The following MAN2B1 variants were observed in gnomAD, a reference collection of about 807,000 sequenced individuals.
MAN2B1 encodes the protein mannosidase alpha class 2B member 1, also known as lysosomal alpha-mannosidase.
A neutral mutation model predicts 127.5 loss-of-function variants in MAN2B1; 99 were observed. The ratio of observed to expected loss-of-function variants is 0.78; its 90% CI spans 0.66 to 0.92. MAN2B1 has a LOEUF of 0.92. Ranked by LOEUF, MAN2B1 falls within the 40% of genes least tolerant of loss-of-function variation. The pLI is 0.00. For missense variants in MAN2B1, 1,304 were observed against 1,384.8 expected (o/e 0.94, Z 0.93); for synonymous variants, 573 against 568.8 (o/e 1.01, Z -0.11).
intron 14 of MAN2B1, among the ~76,000 whole-genome samples, chr19:12,655,134 T>C (rs1386542123): frequency 6.6e-6 from 1 of 152,160 alleles, no homozygotes; most frequent in Non-Finnish European, 1.5e-5. Context: ...TCCTCCCGCT[T>C]CAGCCTCCCA....
chr19:12,655,450 C>T (rs935619479), intron 14 of MAN2B1, among the ~76,000 whole-genome samples: 4 of 152,214 alleles, frequency 2.6e-5, no homozygotes, highest in Non-Finnish European at 4.4e-5. Context: ...TTGCGAACCA[C>T]CACCTGCCAC....
intron 3 of MAN2B1, 87 bp from the exon 4 acceptor site, chr19:12,665,072 C>CT: frequency 7.7e-7 from 1 of 1,292,028 alleles, no homozygotes; most frequent in East Asian, 2.3e-5. Context: ...GAAAGCCTGC[C>CT]TGTGTACACA....
At chr19:12,660,201 A>G (rs2024068413) in intron 7 of MAN2B1, among the ~76,000 whole-genome samples, 2 of 152,202 alleles carry the variant, frequency 1.3e-5, no homozygotes, top group African/African-American at 4.8e-5. Context: ...GTTGTTCATC[A>G]GCCAAACTTA....
chr19:12,646,884 C>T lies in MAN2B1; in HGVS notation c.2924-152G>A, dbSNP rs61161691. ...CCAGACTCTTAACCTGCTTCCCCGG[C>T]CCCGAATACCACCCCCAGGTCCAAT... On this transcript the variant is annotated intron_variant, in intron 23 of 23. Transcript: ENST00000456935. 21,949 of 650,122 alleles carry T rather than the reference C, an allele frequency of 0.034. 1,599 individuals carry two copies. The highest frequency in any genetic ancestry group is 0.23 in the African/African-American group (12,565 of 55,326). 40.3% of individuals were successfully genotyped at this position (650,122 alleles called of 1,614,324 possible).
chr19:12,649,474 A>G (rs368562880), intron 18 of MAN2B1, 46 bp from the exon 19 acceptor site: 9 of 592,420 alleles, frequency 1.5e-5, no homozygotes, highest in African/African-American at 1.2e-4. Flanking sequence ...TGGCTCCCCA[A>G]CTCTTTTTTT....
Position 12,663,300 on chromosome 19 carries a change from C to G in MAN2B1, c.909+17G>C. 1 of 1,614,156 alleles carries G rather than the reference C, an allele frequency of 6.2e-7. No homozygotes were observed. Among genetic ancestry groups the G allele is most frequent in the Non-Finnish European group, 8.5e-7 (1 of 1,180,024 alleles). ...ATTGTATATACCGGACTCGAAGGTT[C>G]TGGACACCAGGGTTACCTGGGCAGT... is the stretch of plus-strand genomic sequence containing the variant. On this transcript the variant is annotated intron_variant, in intron 6 of 23. Coordinates refer to ENST00000456935, the MANE Select transcript of MAN2B1 (RefSeq NM_000528.4).
intron 14 of MAN2B1, among the ~76,000 whole-genome samples, chr19:12,653,074 TC>T (rs1387547164): frequency 6.7e-6 from 1 of 149,768 alleles, no homozygotes; most frequent in Non-Finnish European, 1.5e-5. Flanking sequence ...CCTCAGGTAA[TC>T]CACCCGCCTT....
Position 12,647,882 on chromosome 19 carries a change from G to C in MAN2B1, c.2665-284C>G, listed in dbSNP as rs1331444065. 6.6e-6 allele frequency among the ~76,000 whole-genome samples: 1 copy of C among 151,230 alleles called. No individual in the cohort carries two copies. The highest frequency in any genetic ancestry group is 1.5e-5 in the Non-Finnish European group (1 of 67,744). On this transcript the variant is annotated intron_variant, in intron 21 of 23. Transcript: ENST00000456935. The surrounding 1 kb of genome is among the most constrained non-coding windows in gnomAD (Gnocchi z 4.9). ...GGGCTGAAGCCGCGGGGCTGGGTGA[G>C]GCAGGACAGAGCCTGGGGGCGGTGA...
At position 12,646,545 on chromosome 19, in the gene MAN2B1, C is replaced by A. The variant is rs1317258278; in HGVS notation, c.*75G>T. On this transcript the variant is annotated 3_prime_UTR_variant, in exon 24 of 24. Coordinates refer to ENST00000456935, the MANE Select transcript of MAN2B1 (RefSeq NM_000528.4). ...AGTAGTAGCGTTTTAATGGCAGCAG[C>A]CCCAAGAGGAGAGTCAGAGTCTGGT... The A allele has an allele frequency of 2.7e-6, 3 of 1,131,906 alleles. No individual in the cohort carries two copies. In the African/African-American group the frequency reaches 4.6e-5, roughly 17 times the overall value. 70.1% of individuals were successfully genotyped at this position (1,131,906 alleles called of 1,614,324 possible). A position where few individuals can be genotyped will look rare whatever the true frequency, so the allele number is the denominator to read the frequency against.
intron 1 of MAN2B1, 40 bp from the exon 2 acceptor site, chr19:12,665,845 C>T (rs765394817): frequency 6.5e-7 from 1 of 1,527,276 alleles, no homozygotes; most frequent in Admixed American, 1.7e-5. Flanking sequence ...TGTCAATAAC[C>T]CCCGAGGTCG....
intron 5 of MAN2B1, 53 bp downstream of exon 5, chr19:12,663,650 C>G: frequency 1.3e-6 from 2 of 1,572,478 alleles, no homozygotes; most frequent in Non-Finnish European, 1.7e-6. Context: ...AAGCCCAGGG[C>G]CCTTCTGAGT....
chr19:12,665,433 C>T lies in MAN2B1; in HGVS notation c.355G>A (p.Val119Met), dbSNP rs201140883. The T allele has an allele frequency of 3.7e-6, 6 of 1,613,888 alleles. No individual in the cohort carries two copies. In the East Asian group the frequency reaches 1.1e-4, roughly 30 times the overall value. ...CAACGGGAGAAGAAGGCAATCTCCA[C>T]GTAAATGAAGCGACGGGTGGGATCT... The part of the protein sequence containing the change: ...LADPTRRFIY[V>M]EIAFFSRWWH... Residue 119 changes from valine (V) to methionine (M), a missense_variant, in exon 3 of 24, where the codon GTG becomes ATG. Coordinates refer to ENST00000456935, the MANE Select transcript of MAN2B1 (RefSeq NM_000528.4).
rs1333446493 is a variant in MAN2B1, at chr19:12,648,390, G to A, written c.2449C>T (p.Leu817=). ...GSLELMVHRR[L]LKDDGRGVSE... The stretch of plus-strand genomic sequence containing the variant: ...ACTCCGCGTCCATCGTCCTTCAGCA[G>A]CCTTCGGTGCACCTGGGGGGAGAGT... Residue 817 remains leucine (L), a synonymous_variant, in exon 21 of 24, where the codon CTG becomes TTG. Coordinates refer to ENST00000456935, the MANE Select transcript of MAN2B1 (RefSeq NM_000528.4). 5 of 1,612,208 alleles carry A rather than the reference G, an allele frequency of 3.1e-6. No homozygotes were observed. The highest frequency in any genetic ancestry group is 4.2e-6 in the Non-Finnish European group (5 of 1,178,866).
chr19:12,652,609 G>T, intron 14 of MAN2B1, 149 bp from the exon 15 acceptor site: 1 of 658,626 alleles, frequency 1.5e-6, no homozygotes, highest in Non-Finnish European at 2.7e-6. Context: ...TTGGCTCACT[G>T]CACCCCCCAC....
chr19:12,656,506 G>C lies in MAN2B1; in HGVS notation c.1644+65C>G. 3 of 1,108,782 alleles carry C rather than the reference G, an allele frequency of 2.7e-6. No individual in the cohort carries two copies. The South Asian group carries it at 3.7e-5, about 14-fold the overall frequency. The allele number at this position is 1,108,782 out of a possible 1,614,324, so 68.7% of individuals were successfully genotyped here. ...CATGGAAGCAGGCGATATCCATGGGGGCGATGAGGAAATGCCCACTGGGGG... is the reference window on the plus strand; with the variant it reads ...CATGGAAGCAGGCGATATCCATGGGCGCGATGAGGAAATGCCCACTGGGGG... On this transcript the variant is annotated intron_variant, in intron 13 of 23. Coordinates refer to ENST00000456935, the MANE Select transcript of MAN2B1 (RefSeq NM_000528.4).
chr19:12,666,082 G>A (rs151330553), intron 1 of MAN2B1, among the ~76,000 whole-genome samples: 1 of 152,218 alleles, frequency 6.6e-6, no homozygotes, highest in East Asian at 1.9e-4. Context: ...GACAGCAGAC[G>A]GCCACCGTGG....
Position 12,647,061 on chromosome 19 carries a change from G to A in MAN2B1, c.2923+172C>T. 1 of 648,530 alleles carries A rather than the reference G, an allele frequency of 1.5e-6. No individual in the cohort carries two copies. 40.2% of individuals were successfully genotyped at this position (648,530 alleles called of 1,614,324 possible). On this transcript the variant is annotated intron_variant, in intron 23 of 23. Coordinates refer to ENST00000456935, the MANE Select transcript of MAN2B1 (RefSeq NM_000528.4). The surrounding 1 kb of genome is among the most constrained non-coding windows in gnomAD (Gnocchi z 4.9). ...CCACAAACCTCAAGACCCATTCCTG[G>A]TTTGCCGCACCCATTTCAGATCCTT... is the stretch of plus-strand genomic sequence containing the variant.
In MAN2B1 at chr19:12,666,531, G is replaced by A. The variant is rs760881043; in HGVS notation, c.159+12C>T. On this transcript the variant is annotated intron_variant, in intron 1 of 23. Transcript: ENST00000456935. Reference sequence around the variant, plus strand: ...TGCCTCCTGTACGTTTCAGCTCGGAGGCCCCACTCACCTCGTATCCCCCGG... The same window carrying A: ...TGCCTCCTGTACGTTTCAGCTCGGAAGCCCCACTCACCTCGTATCCCCCGG... 1.7e-5 allele frequency: 27 copies of A among 1,577,138 alleles called. No homozygotes were observed. Among genetic ancestry groups the A allele is most frequent in the Non-Finnish European group, 2.3e-5 (27 of 1,161,460 alleles).
At chr19:12,648,681 G>A (rs986936965) in intron 20 of MAN2B1, among the ~76,000 whole-genome samples, 2 of 152,132 alleles carry the variant, frequency 1.3e-5, no homozygotes, top group Admixed American at 6.5e-5. Context: ...GAAAAACGGA[G>A]AGGAAAAGCC....
Sources: gnomAD v4.1 joint callset for allele counts (sites outside exome capture counted in the v4.1 genomes callset) on GRCh38, gnomAD v4.1.1 for gene constraint, Gnocchi (gnomAD v3.1) non-coding constraint, MANE v1.5 for transcripts, NCBI Gene and HGNC (gene_info 2026-07-23, HGNC 2026-07-21) for gene names.